The following XIRP2 variants were observed in gnomAD, a reference collection of about 807,000 sequenced individuals.
XIRP2 encodes the protein xin actin binding repeat containing 2, also known as xin actin-binding repeat-containing protein 2.
A neutral mutation model predicts 277.0 loss-of-function variants in XIRP2; 236 were observed. The ratio of observed to expected loss-of-function variants is 0.85; its 90% CI spans 0.77 to 0.95. The LOEUF (loss-of-function observed/expected upper bound fraction) is 0.95, where lower values mean the gene tolerates loss of function less well. XIRP2 is among the 40% of genes least tolerant of loss of function. The pLI is 0.00. For synonymous variants in XIRP2, 1,490 were observed against 1,416.5 expected (o/e 1.05, Z -1.17); for missense variants, 4,640 against 4,157.5 (o/e 1.12, Z -3.19).
intron 2 of XIRP2, among the ~76,000 whole-genome samples, chr2:167,011,816 G>A (rs1044930163): frequency 4.6e-5 from 7 of 151,850 alleles, no homozygotes; most frequent in African/African-American, 7.2e-5. Context: ...TGTATGTGTC[G>A]AGGAATTTAT....
At chr2:167,118,123 T>G (rs1430287434) in intron 2 of XIRP2, among the ~76,000 whole-genome samples, 1 of 152,160 alleles carries the variant, frequency 6.6e-6, no homozygotes, top group East Asian at 1.9e-4. Context: ...TCTTGAGAGG[T>G]GTGGCCTTTT....
chr2:166,918,221 C>G (rs776753841), intron 2 of XIRP2, among the ~76,000 whole-genome samples: 52 of 152,048 alleles, frequency 3.4e-4, no homozygotes, highest in Non-Finnish European at 6.0e-4. Flanking sequence ...GGAAAATATT[C>G]CTGTGTTAAC....
chr2:167,168,115 T>C (rs918026156), intron 3 of XIRP2, among the ~76,000 whole-genome samples: 4 of 152,194 alleles, frequency 2.6e-5, no homozygotes, highest in African/African-American at 9.6e-5. Context: ...TGCTATTCAT[T>C]AGGTGAGCTT....
intron 1 of XIRP2, among the ~76,000 whole-genome samples, chr2:166,888,834 A>G (rs990903906): frequency 3.0e-4 from 46 of 152,208 alleles, no homozygotes; most frequent in Non-Finnish European, 7.4e-5. Flanking sequence ...AAAAATAGTT[A>G]ATCTCTCAGA....
At chr2:167,224,321 C>T (rs536772595) in intron 5 of XIRP2, among the ~76,000 whole-genome samples, 1 of 152,262 alleles carries the variant, frequency 6.6e-6, no homozygotes, top group East Asian at 1.9e-4. Flanking sequence ...GTAACCCCTA[C>T]CTCCCAGGCT....
At chr2:167,211,816 C>T (rs1694055003) in intron 4 of XIRP2, among the ~76,000 whole-genome samples, 1 of 152,152 alleles carries the variant, frequency 6.6e-6, no homozygotes, top group African/African-American at 2.4e-5. Flanking sequence ...TTCAGTAAGA[C>T]CACCAATTTT....
At chr2:167,010,262 G>A (rs915858334) in intron 2 of XIRP2, among the ~76,000 whole-genome samples, 6 of 152,002 alleles carry the variant, frequency 3.9e-5, no homozygotes, top group Non-Finnish European at 7.4e-5. Context: ...TGTAAGGAAG[G>A]GATCCAGTTT....
chr2:166,897,294 C>T (rs1474669692), intron 1 of XIRP2, among the ~76,000 whole-genome samples: 1 of 152,106 alleles, frequency 6.6e-6, no homozygotes, highest in African/African-American at 2.4e-5. Flanking sequence ...CTCAGTGGCC[C>T]TACGGAAGTG....
chr2:167,113,235 T>C (rs1690810822), intron 2 of XIRP2, among the ~76,000 whole-genome samples: 1 of 152,174 alleles, frequency 6.6e-6, no homozygotes, highest in South Asian at 2.1e-4. Context: ...TTGTCCAATA[T>C]TGTCAGTGGC....
In XIRP2 at chr2:167,247,721, T is replaced by C. The variant is rs369749722; in HGVS notation, c.6329T>C (p.Val2110Ala). The C allele has an allele frequency of 2.1e-5, 34 of 1,613,502 alleles. No homozygotes were observed. Among genetic ancestry groups the C allele is most frequent in the Non-Finnish European group, 2.5e-5 (29 of 1,179,740 alleles). The change falls in exon 9 of 11, where the codon GTC (valine) becomes GCC (alanine). Residue 2110 changes from valine to alanine, a missense_variant. Val to Ala is a moderately conservative substitution (Grantham distance 64, BLOSUM62 0). Coordinates refer to ENST00000409195, the MANE Select transcript of XIRP2 (RefSeq NM_152381.6). ...GTGAGAGAGCTGAAGAAGGATGATG[T>C]CTTTAATTCCATCCAATCTGCTGGT... ...RAVRELKKDD[V>A]FNSIQSAGKT...
At chr2:167,080,198 G>A (rs1214467633) in intron 2 of XIRP2, among the ~76,000 whole-genome samples, 1 of 152,142 alleles carries the variant, frequency 6.6e-6, no homozygotes, top group Non-Finnish European at 1.5e-5. Flanking sequence ...TAATGGTGAT[G>A]TTGGTTAATT....
intron 2 of XIRP2, among the ~76,000 whole-genome samples, chr2:167,027,278 TC>T (rs1688192369): frequency 6.6e-6 from 1 of 152,142 alleles, no homozygotes; most frequent in African/African-American, 2.4e-5. Context: ...TGATACCCTT[TC>T]TTCCAGTTTA....
chr2:167,229,445 A>T (rs1307472165), intron 5 of XIRP2, among the ~76,000 whole-genome samples: 5 of 152,178 alleles, frequency 3.3e-5, no homozygotes, highest in Non-Finnish European at 7.3e-5. Flanking sequence ...TCAAGGAAAG[A>T]TATAACAACA....
At chr2:167,181,205 G>T (rs1041142978) in intron 3 of XIRP2, among the ~76,000 whole-genome samples, 3 of 152,174 alleles carry the variant, frequency 2.0e-5, no homozygotes, top group Non-Finnish European at 2.9e-5. Flanking sequence ...GCTTGGGCTG[G>T]TCCAGAAGAT....
intron 2 of XIRP2, among the ~76,000 whole-genome samples, chr2:167,111,475 T>C (rs1690752442): frequency 6.6e-6 from 1 of 152,168 alleles, no homozygotes. Context: ...CTGAATCACA[T>C]TTATGGATTT....
At chr2:167,082,458 C>A (rs1408208760) in intron 2 of XIRP2, among the ~76,000 whole-genome samples, 2 of 151,810 alleles carry the variant, frequency 1.3e-5, no homozygotes, top group Non-Finnish European at 1.5e-5. Flanking sequence ...TGGGTATATA[C>A]CCAGTAATGG....
At chr2:166,996,084 C>T (rs1414226010) in intron 2 of XIRP2, among the ~76,000 whole-genome samples, 1 of 152,124 alleles carries the variant, frequency 6.6e-6, no homozygotes, top group Non-Finnish European at 1.5e-5. Context: ...TCTCAGGATC[C>T]CACTCCAAGT....
chr2:167,016,854 C>T (rs1365015993), intron 2 of XIRP2, among the ~76,000 whole-genome samples: 1 of 151,840 alleles, frequency 6.6e-6, no homozygotes, highest in Non-Finnish European at 1.5e-5. Flanking sequence ...ACAAAGTCAC[C>T]ATTAAAGTAG....
chr2:167,131,643 A>G (rs147750902), intron 2 of XIRP2, among the ~76,000 whole-genome samples: 4 of 152,016 alleles, frequency 2.6e-5, no homozygotes, highest in African/African-American at 9.6e-5. Context: ...TTTCCTTCTG[A>G]TTTTTCTCCT....
Sources: allele counts gnomAD v4.1 joint callset (sites outside exome capture counted in the v4.1 genomes callset), GRCh38; gene constraint gnomAD v4.1.1; transcripts MANE v1.5; gene names NCBI Gene and HGNC (gene_info 2026-07-23, HGNC 2026-07-21).